Variants in RYR1 observed in about 807,000 individuals in gnomAD.
RYR1 encodes the protein central core disease of muscle.
Under a neutral mutation model 583.5 loss-of-function variants are expected in RYR1, and 342 were observed. The observed-to-expected ratio is 0.59, with a 90% CI of 0.54 to 0.64. The LOEUF (loss-of-function observed/expected upper bound fraction) is 0.64, where lower values mean the gene tolerates loss of function less well. RYR1 is among the 30% of genes least tolerant of loss of function. RYR1 has a pLI of 0.00. For synonymous variants in RYR1, 2,791 were observed against 2,822.5 expected, an observed-to-expected ratio of 0.99 and a Z score of 0.35; for missense variants, 6,032 against 6,917.2, an observed-to-expected ratio of 0.87 and a Z score of 4.54.
intron 67 of RYR1, among the ~76,000 whole-genome samples, chr19:38,521,464 A>G (rs940311515): frequency 6.6e-6 from 1 of 151,676 alleles, no homozygotes; most frequent in Non-Finnish European, 1.5e-5. Context: ...ACTCAAACTC[A>G]GTCTCAAACT....
chr19:38,517,817 G>A, intron 66 of RYR1, 126 bp downstream of exon 66: 1 of 893,540 alleles, frequency 1.1e-6, no homozygotes, highest in Non-Finnish European at 1.7e-6. Flanking sequence ...GGTTTTTTCA[G>A]CATCAAAAGA....
At position 38,469,083 on chromosome 19, in the gene RYR1, G is replaced by A. The variant is rs747251082; in HGVS notation, c.3499G>A (p.Val1167Ile). Residue 1167 changes from valine (V) to isoleucine (I), a missense_variant, in exon 26 of 106, where the codon GTC becomes ATC. Transcript: ENST00000359596. ...CATTATCTTCACCCTCAATGGCGAG[G>A]TCCTCATGTCTGACTCAGGCTCCGA... The part of the protein sequence containing the change: ...NTIIFTLNGE[V>I]LMSDSGSETA... 1.2e-6 allele frequency: 2 copies of A among 1,614,160 alleles called. No individual in the cohort carries two copies. The highest frequency in any genetic ancestry group is 1.7e-6 in the Non-Finnish European group (2 of 1,180,030).
intron 37 of RYR1, among the ~76,000 whole-genome samples, chr19:38,491,656 C>A (rs1969557374): frequency 6.6e-6 from 1 of 152,044 alleles, no homozygotes; most frequent in Admixed American, 6.6e-5. Context: ...TCTTGAACTC[C>A]TGGGCTCAAG....
chr19:38,506,038 G>C, intron 54 of RYR1, 92 bp downstream of exon 54: 1 of 1,539,822 alleles, frequency 6.5e-7, no homozygotes, highest in Non-Finnish European at 8.8e-7. Flanking sequence ...ATGGAGAGGA[G>C]AGGGGCCCAG....
intron 28 of RYR1, among the ~76,000 whole-genome samples, chr19:38,474,535 TTA>T (rs1429904010): frequency 6.7e-6 from 1 of 149,084 alleles, no homozygotes; most frequent in Non-Finnish European, 1.5e-5. Flanking sequence ...AGTGCTGGGA[TTA>T]TAGACATGAG....
rs767454302 is a variant in RYR1 at position 38,499,113 on chromosome 19, G to A, written c.6897G>A (p.Val2299=). 6.2e-7 allele frequency: 1 copy of A among 1,614,130 alleles called. No individual in the cohort carries two copies. The highest frequency in any genetic ancestry group is 1.1e-5 in the South Asian group (1 of 91,086). ...TGAGCCCCTTCTGCCCCCAGGTTGT[G>A]TCCTACCTGGCAGGCTGTGGCCTCC... The part of the protein sequence containing the change: ...ALQEQDLEKV[V]SYLAGCGLQS... The change falls in exon 43 of 106, where the codon GTG becomes GTA. Residue 2299 remains valine (V), a synonymous_variant. Transcript: ENST00000359596. This position sits in a 1 kb window ranked among gnomAD's most constrained non-coding sequence, Gnocchi z 7.3.
At position 38,460,612 on chromosome 19, in the gene RYR1, G is replaced by A. The variant is rs767447387; in HGVS notation, c.2577+21G>A. Reference sequence around the variant, plus strand: ...TCCAGGTACTGCCTGCCCTGCAAAGGTTTTCTGGCGAGGCAGGGTCTCTTA... The same window carrying A: ...TCCAGGTACTGCCTGCCCTGCAAAGATTTTCTGGCGAGGCAGGGTCTCTTA... On this transcript the variant is annotated intron_variant, in intron 20 of 105. Transcript: ENST00000359596. 2.5e-6 allele frequency: 4 copies of A among 1,600,850 alleles called. No individual in the cohort carries two copies. The Admixed American group carries it at 5.0e-5, about 20-fold the overall frequency.
Position 38,579,976 on chromosome 19 carries a change from C to T in RYR1, c.14365-6C>T, listed in dbSNP as rs1064797242. The T allele has an allele frequency of 1.2e-6, 2 of 1,614,098 alleles. No individual in the cohort carries two copies. The highest frequency in any genetic ancestry group is 8.5e-7 in the Non-Finnish European group (1 of 1,180,002). On this transcript the variant is annotated splice_region_variant and splice_polypyrimidine_tract_variant and intron_variant, in intron 99 of 105. Transcript: ENST00000359596. Reference sequence around the variant, plus strand: ...CCCCCTGACCCCTGGCCCTGTGTGCCCACAGTCCTTCCTGTACCTGGGCTG... The same window carrying T: ...CCCCCTGACCCCTGGCCCTGTGTGCTCACAGTCCTTCCTGTACCTGGGCTG...
chr19:38,505,402 A>T lies in RYR1; in HGVS notation c.8400+4A>T. The T allele has an allele frequency of 6.2e-7, 1 of 1,601,690 alleles. No individual in the cohort carries two copies. Among genetic ancestry groups the T allele is most frequent in the Non-Finnish European group, 8.5e-7 (1 of 1,171,878 alleles). ...CTACAAGACCTTTTCAGAGAAGGTG[A>T]CCAGGCCTTGGGGCCCAGCATTGAG... is the stretch of plus-strand genomic sequence containing the variant. On this transcript the variant is annotated splice_donor_region_variant and intron_variant, in intron 53 of 105. Coordinates refer to ENST00000359596, the MANE Select transcript of RYR1 (RefSeq NM_000540.3).
chr19:38,529,465 GC>G (rs1482052884), intron 76 of RYR1, among the ~76,000 whole-genome samples: 1 of 152,166 alleles, frequency 6.6e-6, no homozygotes, highest in East Asian at 1.9e-4. Flanking sequence ...GGGCGACAGA[GC>G]GAGACTCTGT....
Position 38,575,980 on chromosome 19 carries a change from C to T in RYR1, c.14172+19C>T, listed in dbSNP as rs1183397316. On this transcript the variant is annotated intron_variant, in intron 97 of 105. Transcript: ENST00000359596. ...GCGCAAGGTGAGAGGACATGGATGCCCTGGGTCCTGGATTGGGTCCCTGCC... is the reference window on the plus strand; with the variant it reads ...GCGCAAGGTGAGAGGACATGGATGCTCTGGGTCCTGGATTGGGTCCCTGCC... 5.6e-6 allele frequency: 9 copies of T among 1,613,960 alleles called. No homozygotes were observed. In the South Asian group the frequency reaches 7.7e-5, roughly 14 times the overall value.
At chr19:38,460,857 C>T (rs1219544522) in intron 20 of RYR1, among the ~76,000 whole-genome samples, 3 of 152,090 alleles carry the variant, frequency 2.0e-5, no homozygotes, top group African/African-American at 4.8e-5. Context: ...TGGTGGCGGG[C>T]GCCTATAATC....
rs896130280 is a variant in RYR1 at position 38,503,114 on chromosome 19, C to T, written c.7926+144C>T. On this transcript the variant is annotated intron_variant, in intron 49 of 105. Transcript: ENST00000359596. The stretch of plus-strand genomic sequence containing the variant: ...TAGGGCAGCGTCCCCGTAGAAATCT[C>T]TTAGCATCCTTATTTGCATACTAGG... The T allele has an allele frequency of 5.1e-6, 4 of 783,188 alleles. No individual in the cohort carries two copies. The African/African-American group carries it at 6.8e-5, about 13-fold the overall frequency. The allele number at this position is 783,188 out of a possible 1,614,324, so 48.5% of individuals were successfully genotyped here.
At chr19:38,553,349 A>T (rs182056580) in intron 89 of RYR1, among the ~76,000 whole-genome samples, 1 of 151,396 alleles carries the variant, frequency 6.6e-6, no homozygotes. Context: ...AAAAAAAAAA[A>T]AAAATCAAAA....
intron 95 of RYR1, 123 bp from the exon 96 acceptor site, chr19:38,573,054 A>C (rs372192327): frequency 2.0e-6 from 3 of 1,502,164 alleles, no homozygotes; most frequent in East Asian, 2.3e-5. Context: ...TACCCTTATC[A>C]CTGGGAAAGC....
chr19:38,501,447 G>A lies in RYR1; in HGVS notation c.7614+457G>A, dbSNP rs141224509. On this transcript the variant is annotated intron_variant, in intron 47 of 105. Coordinates refer to ENST00000359596, the MANE Select transcript of RYR1 (RefSeq NM_000540.3). ...GGGGAGGCGGAGGTTGCAGTGAGCC[G>A]AGATCGTGCCGCTGCACTCCCGCCT... Among the ~76,000 whole-genome samples, 626 of 152,256 alleles carry A rather than the reference G, an allele frequency of 4.1e-3. 15 individuals are homozygous for A. The East Asian group carries it at 0.064, about 16-fold the overall frequency.
In RYR1 at chr19:38,440,741, G is replaced by T. The variant is rs201094741; in HGVS notation, c.46-4G>T. On this transcript the variant is annotated splice_region_variant and splice_polypyrimidine_tract_variant and intron_variant, in intron 1 of 105. Coordinates refer to ENST00000359596, the MANE Select transcript of RYR1 (RefSeq NM_000540.3). ...CCTGGAGACGCTGCCCCTCGGTTCC[G>T]CAGGACGATGAGGTGGTCCTGCAGT... The T allele has an allele frequency of 5.1e-5, 82 of 1,605,422 alleles. No individual in the cohort carries two copies. The African/African-American group carries it at 8.3e-4, about 16-fold the overall frequency.
chr19:38,472,938 C>T (rs931591414), intron 27 of RYR1, among the ~76,000 whole-genome samples: 1 of 150,920 alleles, frequency 6.6e-6, no homozygotes, highest in Non-Finnish European at 1.5e-5. Flanking sequence ...ATCATTTGAA[C>T]CCTGTAGGCA....
In RYR1 at chr19:38,565,110, C is replaced by G. The variant is rs759030560; in HGVS notation, c.12776C>G (p.Thr4259Ser). The G allele has an allele frequency of 1.3e-6, 2 of 1,543,664 alleles. No individual in the cohort carries two copies. Among genetic ancestry groups the G allele is most frequent in the South Asian group, 1.2e-5 (1 of 84,290 alleles). The change falls in exon 91 of 106, where the codon ACC (threonine) becomes AGC (serine). Residue 4259 changes from threonine to serine, a missense_variant. Thr to Ser is a moderately conservative substitution (Grantham distance 58). This residue lies in a region of RYR1 where 753 missense variants were observed against 759.6 expected (regional missense o/e 0.99). Coordinates refer to ENST00000359596, the MANE Select transcript of RYR1 (RefSeq NM_000540.3). The surrounding 1 kb of genome is among the most constrained non-coding windows in gnomAD (Gnocchi z 4.7). ...TCGGAGCCCGAGGGCGAGCCGGAGA[C>G]CGACGAGGACGAGGGCGCGGGCGCG... ...QISEPEGEPE[T>S]DEDEGAGAAE... is the part of the protein sequence containing the mutation.
Sources: allele counts gnomAD v4.1 joint callset (sites outside exome capture counted in the v4.1 genomes callset), GRCh38; gene constraint gnomAD v4.1.1; regional missense constraint gnomAD v4.1.1; non-coding constraint Gnocchi (gnomAD v3.1); transcripts MANE v1.5; gene names NCBI Gene and HGNC (gene_info 2026-07-23, HGNC 2026-07-21).